Variants in PABIR2 observed in about 807,000 individuals in gnomAD.
PABIR2 encodes PABIR family member 2.
PABIR2 carries 7 observed loss-of-function variants against 22.8 expected under a neutral mutation model. The observed-to-expected ratio is 0.31, with a 90% CI of 0.17 to 0.58. The LOEUF is 0.58. PABIR2 is among the 20% of genes least tolerant of loss of function. PABIR2 has a pLI of 0.89. For synonymous variants in PABIR2, 67 were observed against 73.8 expected, an observed-to-expected ratio of 0.91 and a Z score of 0.47; for missense variants, 155 against 205.1, an observed-to-expected ratio of 0.76 and a Z score of 1.49.
Position 134,791,547 on chromosome X carries a change from G to A in PABIR2, c.178-1911C>T, listed in dbSNP as rs953285626. ...GAGTCTGGAGAAGGTGGAAAGAAGA[G>A]AGCCCGTGAGGAATAGGGAAAAGAT... On this transcript the variant is annotated intron_variant, in intron 2 of 9. Coordinates refer to ENST00000343004, the MANE Select transcript of PABIR2 (RefSeq NM_001387468.1). 3 of 298,121 alleles carry A rather than the reference G, an allele frequency of 1.0e-5. No individual in the cohort carries two copies. The Admixed American group carries it at 1.1e-4, about 11-fold the overall frequency. 24.6% of individuals were successfully genotyped at this position (298,121 alleles called of 1,213,427 possible).
At position 134,793,898 on chromosome X, in the gene PABIR2, AAAAAAC is replaced by A; in HGVS notation, c.99-11_99-6del. 8.3e-7 allele frequency: 1 copy of A among 1,199,134 alleles called. No homozygotes were observed. Among genetic ancestry groups the A allele is most frequent in the Non-Finnish European group, 1.1e-6 (1 of 891,826 alleles). Reference sequence around the variant, plus strand: ...TGGAAAACCTGTGAAAGGTCACTGAAAAAAACAAAAACAAACAAACAAAAAAAACAA... The same window carrying A: ...TGGAAAACCTGTGAAAGGTCACTGAAAAAAACAAACAAACAAAAAAAACAA... On this transcript the variant is annotated splice_region_variant and splice_polypyrimidine_tract_variant and intron_variant, in intron 1 of 9. Transcript: ENST00000343004.
intron 2 of PABIR2, among the ~76,000 whole-genome samples, chrX:134,791,290 C>T (rs191345845): frequency 1.8e-5 from 2 of 110,708 alleles, no homozygotes; most frequent in Admixed American, 9.7e-5. Context: ...GGATAAGCAA[C>T]GAGGCCCCTG....
chrX:134,770,993 G>A lies in PABIR2; in HGVS notation c.*1146C>T, dbSNP rs2078829121. On this transcript the variant is annotated 3_prime_UTR_variant, in exon 10 of 10. Transcript: ENST00000343004. ...CTGGTGGCAACACAATAACTATAAG[G>A]CAGTAAGAACAAGAACTGGATTCTG... 4.8e-6 allele frequency: 1 copy of A among 208,677 alleles called. No individual in the cohort carries two copies. The highest frequency in any genetic ancestry group is 8.7e-6 in the Non-Finnish European group (1 of 114,863). The allele number at this position is 208,677 out of a possible 1,213,427, so 17.2% of individuals were successfully genotyped here.
In PABIR2 at chrX:134,782,061, T is replaced by C. The variant is rs150742745; in HGVS notation, c.563-144A>G. On this transcript the variant is annotated intron_variant, in intron 8 of 9. Coordinates refer to ENST00000343004, the MANE Select transcript of PABIR2 (RefSeq NM_001387468.1). ...AACTATTTTCCCATGTGCTTTAACA[T>C]GGAAGAAATATGCTTCCACATAAAC... 898 of 366,052 alleles carry C rather than the reference T, an allele frequency of 2.5e-3. 6 individuals are homozygous for C. Among genetic ancestry groups the C allele is most frequent in the African/African-American group, 0.022 (839 of 38,848 alleles). The allele number at this position is 366,052 out of a possible 1,213,427, so 30.2% of individuals were successfully genotyped here.
Position 134,793,918 on chromosome X carries a change from C to G in PABIR2, c.99-25G>C, listed in dbSNP as rs751538527. The G allele has an allele frequency of 5.9e-6, 7 of 1,183,164 alleles. No individual in the cohort carries two copies. The South Asian group carries it at 1.1e-4, about 19-fold the overall frequency. On this transcript the variant is annotated intron_variant, in intron 1 of 9. Coordinates refer to ENST00000343004, the MANE Select transcript of PABIR2 (RefSeq NM_001387468.1). ...ACTGAAAAAAACAAAAACAAACAAA[C>G]AAAAAAAACAAAATTAGTAATGTTT...
chrX:134,771,257 T>C lies in PABIR2; in HGVS notation c.*882A>G. ...GACACTGACAGCTCCATGGACGCTTTTGTACACAGTGGTTTGTGTGTAAAT... is the reference window on the plus strand; with the variant it reads ...GACACTGACAGCTCCATGGACGCTTCTGTACACAGTGGTTTGTGTGTAAAT... On this transcript the variant is annotated 3_prime_UTR_variant, in exon 10 of 10. Transcript: ENST00000343004. 3.5e-6 allele frequency: 4 copies of C among 1,144,438 alleles called. No homozygotes were observed. The highest frequency in any genetic ancestry group is 4.6e-6 in the Non-Finnish European group (4 of 866,573). The allele number at this position is 1,144,438 out of a possible 1,213,427, so 94.3% of individuals were successfully genotyped here. A position where few individuals can be genotyped will look rare whatever the true frequency, so the allele number is the denominator to read the frequency against.
chrX:134,772,165 A>G lies in PABIR2; in HGVS notation c.778T>C (p.Leu260=), dbSNP rs1428794440. The G allele has an allele frequency of 2.5e-6, 3 of 1,202,252 alleles. No individual in the cohort carries two copies. The highest frequency in any genetic ancestry group is 1.1e-6 in the Non-Finnish European group (1 of 889,714). Residue 260 remains leucine, a synonymous_variant, in exon 10 of 10, where the codon TTG becomes CTG. Transcript: ENST00000343004. ...CACTTGGGTGAGAGATCATCCATCA[A>G]GATGAACGAAGAGCATGAATTGGAG... is the stretch of plus-strand genomic sequence containing the variant. ...ACSNSCSSFI[L]MDDLSPK
rs886865629 is a variant in PABIR2, at chrX:134,787,864, T to G, written c.436-331A>C. 1.1e-4 allele frequency among the ~76,000 whole-genome samples: 12 copies of G among 106,063 alleles called. No individual in the cohort carries two copies. The South Asian group carries it at 5.0e-3, about 44-fold the overall frequency. 92.1% of individuals were successfully genotyped at this position (106,063 alleles called of 115,157 possible). The stretch of plus-strand genomic sequence containing the variant: ...CCAGGCTGCTCTCGACCTCCTGAGC[T>G]CAAGTGATCCTCCCACCTTGGCCTC... On this transcript the variant is annotated intron_variant, in intron 6 of 9. Transcript: ENST00000343004.
chrX:134,790,510 G>C (rs1385567923), intron 2 of PABIR2, among the ~76,000 whole-genome samples: 2 of 112,602 alleles, frequency 1.8e-5, no homozygotes, highest in Non-Finnish European at 3.8e-5. Context: ...GTAGTGAGCA[G>C]TATAAAATAG....
intron 9 of PABIR2, among the ~76,000 whole-genome samples, chrX:134,774,275 CT>C (rs2078907179): frequency 8.9e-6 from 1 of 111,755 alleles, no homozygotes; most frequent in South Asian, 3.7e-4. Flanking sequence ...TTCTATTTGC[CT>C]TTGGAACATA....
rs199568894 is a variant in PABIR2 at position 134,781,721 on chromosome X, CA to C, written c.659+99del. 0.028 allele frequency: 14,176 copies of C among 515,279 alleles called. 1,345 individuals are homozygous for C. In the African/African-American group the frequency reaches 0.29, roughly 11 times the overall value. The allele number at this position is 515,279 out of a possible 1,213,427, so 42.5% of individuals were successfully genotyped here. A position where few individuals can be genotyped will look rare whatever the true frequency, so the allele number is the denominator to read the frequency against. On this transcript the variant is annotated intron_variant, in intron 9 of 9. Transcript: ENST00000343004. ...ATAAAAAATAAATATTAACAAAATT[CA>C]AAAAAAAATATTTTAAATTATCCCA...
At chrX:134,793,915 A>G (rs1227073647) in intron 1 of PABIR2, 22 bp from the exon 2 acceptor site, 1 of 1,186,182 alleles carries the variant, frequency 8.4e-7, no homozygotes, top group Non-Finnish European at 1.1e-6. Context: ...AAAAACAAAC[A>G]AACAAAAAAA....
At chrX:134,776,101 T>C (rs1480513424) in intron 9 of PABIR2, among the ~76,000 whole-genome samples, 3 of 111,851 alleles carry the variant, frequency 2.7e-5, no homozygotes, top group African/African-American at 9.8e-5. Context: ...TGTGTGTGTG[T>C]GTGTGTATAC....
At position 134,793,805 on chromosome X, in the gene PABIR2, C is replaced by A. The variant is rs781351559; in HGVS notation, c.177+10G>T. The A allele has an allele frequency of 8.3e-7, 1 of 1,203,906 alleles. No individual in the cohort carries two copies. Among genetic ancestry groups the A allele is most frequent in the Non-Finnish European group, 1.1e-6 (1 of 889,127 alleles). Reference sequence around the variant, plus strand: ...TCTAAATCACTTCAGATACTTACTTCTATACTTACCAGGCTGTGACGGCTC... The same window carrying A: ...TCTAAATCACTTCAGATACTTACTTATATACTTACCAGGCTGTGACGGCTC... On this transcript the variant is annotated intron_variant, in intron 2 of 9. Coordinates refer to ENST00000343004, the MANE Select transcript of PABIR2 (RefSeq NM_001387468.1).
At chrX:134,775,734 C>T (rs916184969) in intron 9 of PABIR2, among the ~76,000 whole-genome samples, 5 of 110,015 alleles carry the variant, frequency 4.5e-5, no homozygotes, top group Admixed American at 2.0e-4. Context: ...AGATTAATGA[C>T]GGGCAGGTAA....
chrX:134,787,761 G>C (rs1301341067), intron 6 of PABIR2, among the ~76,000 whole-genome samples: 5 of 103,895 alleles, frequency 4.8e-5, no homozygotes, highest in Non-Finnish European at 9.8e-5. Flanking sequence ...GACTACAGGT[G>C]TGCGCCACCA....
rs2079365530 is a variant in PABIR2, at chrX:134,787,512, A to G, written c.457T>C (p.Leu153=). The change falls in exon 7 of 10, where the codon TTG becomes CTG. Residue 153 remains leucine, a synonymous_variant. Coordinates refer to ENST00000343004, the MANE Select transcript of PABIR2 (RefSeq NM_001387468.1). ...FGKMFVSSSG[L]PPSPVPSPRR... is the part of the protein sequence containing the mutation. ...GGACTGGGAACTGGACTTGGTGGCA[A>G]TCCACTGCTGCTCACGAACATCTGT... is the stretch of plus-strand genomic sequence containing the variant. 1 of 1,210,128 alleles carries G rather than the reference A, an allele frequency of 8.3e-7. No individual in the cohort carries two copies. Among genetic ancestry groups the G allele is most frequent in the East Asian group, 3.0e-5 (1 of 33,844 alleles).
intron 9 of PABIR2, among the ~76,000 whole-genome samples, chrX:134,778,504 C>CAA (rs750595910): frequency 3.0e-4 from 10 of 32,944 alleles, no homozygotes; most frequent in African/African-American, 4.0e-4. Context: ...AACTCCGTCT[C>CAA]AAAAAAAAAA....
Position 134,771,010 on chromosome X carries a change from T to C in PABIR2, c.*1129A>G, listed in dbSNP as rs2078829487. ...ACTATAAGGCAGTAAGAACAAGAAC[T>C]GGATTCTGATTCTGGCAGCAACACA... On this transcript the variant is annotated 3_prime_UTR_variant, in exon 10 of 10. Transcript: ENST00000343004. 5 of 238,019 alleles carry C rather than the reference T, an allele frequency of 2.1e-5. No individual in the cohort carries two copies. The South Asian group carries it at 8.2e-4, about 39-fold the overall frequency. The allele number at this position is 238,019 out of a possible 1,213,427, so 19.6% of individuals were successfully genotyped here.
Sources: gnomAD v4.1 joint callset for allele counts (sites outside exome capture counted in the v4.1 genomes callset) on GRCh38, gnomAD v4.1.1 for gene constraint, MANE v1.5 for transcripts, NCBI Gene and HGNC (gene_info 2026-07-23, HGNC 2026-07-21) for gene names.